Variants in ABL2 observed in about 807,000 individuals in gnomAD.
ABL2 encodes the protein ABL proto-oncogene 2, non-receptor tyrosine kinase.
A neutral mutation model predicts 107.7 loss-of-function variants in ABL2; 49 were observed. The ratio of observed to expected loss-of-function variants is 0.45; its 90% CI spans 0.36 to 0.58. ABL2 has a LOEUF of 0.58. ABL2 is among the 20% of genes least tolerant of loss of function. The probability of loss-of-function intolerance (pLI) is 0.00; values close to 1 mark genes in which losing one functional copy is unlikely to be tolerated. For missense variants in ABL2, 1,245 were observed against 1,457.0 expected, an observed-to-expected ratio of 0.85 and a Z score of 2.37; for synonymous variants, 549 against 548.6, an observed-to-expected ratio of 1.00 and a Z score of -0.01.
At chr1:179,209,300 C>A (rs1662144978) in intron 1 of ABL2, among the ~76,000 whole-genome samples, 1 of 152,126 alleles carries the variant, frequency 6.6e-6, no homozygotes, top group African/African-American at 2.4e-5. Context: ...TTGCTAAGTT[C>A]CCCCCAGGTT....
At chr1:179,178,966 C>T (rs981805021) in intron 1 of ABL2, among the ~76,000 whole-genome samples, 1 of 152,140 alleles carries the variant, frequency 6.6e-6, no homozygotes, top group African/African-American at 2.4e-5. Flanking sequence ...TTAATACCCA[C>T]TGACCAAGTC....
rs1663431430 is a variant in ABL2, at chr1:179,229,471, T to C, written c.-74A>G. 5.8e-6 allele frequency: 8 copies of C among 1,389,580 alleles called. No homozygotes were observed. The highest frequency in any genetic ancestry group is 7.5e-6 in the Non-Finnish European group (8 of 1,073,584). The allele number at this position is 1,389,580 out of a possible 1,614,324, so 86.1% of individuals were successfully genotyped here. A position where few individuals can be genotyped will look rare whatever the true frequency, so the allele number is the denominator to read the frequency against. ...CTCCTCGGCTCCGGCCTCGGGCTCC[T>C]GGCGCTGCTCCGGTCTCTCCCTCCC... On this transcript the variant is annotated 5_prime_UTR_variant, in exon 1 of 12. Coordinates refer to ENST00000502732, the MANE Select transcript of ABL2 (RefSeq NM_007314.4).
At chr1:179,119,761 T>C (rs559273652) in intron 6 of ABL2, among the ~76,000 whole-genome samples, 1 of 152,258 alleles carries the variant, frequency 6.6e-6, no homozygotes, top group South Asian at 2.1e-4. Context: ...TGCAAAAACA[T>C]TTCATGAGTT....
chr1:179,187,204 C>G (rs1330267558), intron 1 of ABL2, among the ~76,000 whole-genome samples: 1 of 152,170 alleles, frequency 6.6e-6, no homozygotes, highest in African/African-American at 2.4e-5. Flanking sequence ...TTCAGATTTC[C>G]CACATTCCAC....
rs1350852557 is a variant in ABL2 at position 179,103,365 on chromosome 1, T to C, written c.*4353A>G. On this transcript the variant is annotated 3_prime_UTR_variant, in exon 12 of 12. Coordinates refer to ENST00000502732, the MANE Select transcript of ABL2 (RefSeq NM_007314.4). ...CCACATTGAATCAACTGTCTTATCT[T>C]TTAAACAGACAATACTACAACCTTA... 3 of 204,902 alleles carry C rather than the reference T, an allele frequency of 1.5e-5. No individual in the cohort carries two copies. The highest frequency in any genetic ancestry group is 6.0e-5 in the Admixed American group (1 of 16,732). The allele number at this position is 204,902 out of a possible 1,614,324, so 12.7% of individuals were successfully genotyped here. A position where few individuals can be genotyped will look rare whatever the true frequency, so the allele number is the denominator to read the frequency against.
rs1659958398 is a variant in ABL2, at chr1:179,174,920, A to AAAAAAAAAT, written c.158-41547_158-41546insATTTTTTTT. ...CAAAAAAAAAAAAATAAAATAAAAA[A>AAAAAAAAAT]AATAATAATAATAATAATAATAATT... On this transcript the variant is annotated intron_variant, in intron 1 of 11. Coordinates refer to ENST00000502732, the MANE Select transcript of ABL2 (RefSeq NM_007314.4). Among the ~76,000 whole-genome samples, 14 of 122,884 alleles carry AAAAAAAAAT rather than the reference A, an allele frequency of 1.1e-4. 1 individual carries two copies. The highest frequency in any genetic ancestry group is 2.5e-4 in the South Asian group (1 of 3,978). 80.6% of individuals were successfully genotyped at this position (122,884 alleles called of 152,430 possible).
chr1:179,197,338 C>T (rs1661375024), intron 1 of ABL2, among the ~76,000 whole-genome samples: 1 of 151,794 alleles, frequency 6.6e-6, no homozygotes, highest in South Asian at 2.1e-4. Flanking sequence ...TTCTCAATAG[C>T]AACAATGGCA....
chr1:179,170,735 C>T (rs1354855307), intron 1 of ABL2, among the ~76,000 whole-genome samples: 1 of 152,214 alleles, frequency 6.6e-6, no homozygotes, highest in African/African-American at 2.4e-5. Flanking sequence ...GCTGGGATTA[C>T]AGGCACCTGC....
chr1:179,207,750 C>A (rs530017393), intron 1 of ABL2, among the ~76,000 whole-genome samples: 12 of 152,210 alleles, frequency 7.9e-5, no homozygotes, highest in Non-Finnish European at 1.3e-4. Flanking sequence ...TTTTTTTATA[C>A]CTATGTCAAG....
rs369731081 is a variant in ABL2 at position 179,223,003 on chromosome 1, G to A, written c.157+6238C>T. The stretch of plus-strand genomic sequence containing the variant: ...CAGCCGCCTGTAATCCCAGCTACTC[G>A]GGAGGCTGAGGCAGGTGAATTGCTT... On this transcript the variant is annotated intron_variant, in intron 1 of 11. Coordinates refer to ENST00000502732, the MANE Select transcript of ABL2 (RefSeq NM_007314.4). Among the ~76,000 whole-genome samples the A allele has an allele frequency of 6.6e-5, 10 of 151,300 alleles. No homozygotes were observed. The East Asian group carries it at 2.0e-3, about 30-fold the overall frequency.
rs1459837769 is a variant in ABL2 at position 179,108,868 on chromosome 1, G to A, written c.2399C>T (p.Thr800Ile). The A allele has an allele frequency of 1.2e-6, 2 of 1,614,086 alleles. No individual in the cohort carries two copies. The highest frequency in any genetic ancestry group is 1.1e-5 in the South Asian group (1 of 91,086). Residue 800 changes from threonine to isoleucine, a missense_variant, in exon 12 of 12, where the codon ACC (threonine) becomes ATC (isoleucine). Thr to Ile is a moderately conservative substitution (Grantham distance 89). Around this residue, in one of 3 missense-constraint regions of ABL2, gnomAD observed 761 missense variants for 766.4 expected, o/e 0.99. Transcript: ENST00000502732. ...GLPEQDRMAM[T>I]LPRNCQRSKL... ...GGACCTCTGGCAGTTCCTGGGAAGG[G>A]TCATTGCCATCCTATCCTGCTCTGG...
chr1:179,121,532 A>C, intron 5 of ABL2, 63 bp downstream of exon 5: 26 of 1,564,112 alleles, frequency 1.7e-5, no homozygotes, highest in Non-Finnish European at 2.3e-5. Flanking sequence ...GCATGCTGAT[A>C]TTTCCAAGTG....
In ABL2 at chr1:179,109,061, C is replaced by T. The variant is rs753057496; in HGVS notation, c.2206G>A (p.Gly736Arg). 1 of 1,605,412 alleles carries T rather than the reference C, an allele frequency of 6.2e-7. No homozygotes were observed. Among genetic ancestry groups the T allele is most frequent in the Non-Finnish European group, 8.5e-7 (1 of 1,176,714 alleles). The part of the protein sequence containing the change: ...NLCNDDGGGG[G>R]GSGTAGGGWS... The stretch of plus-strand genomic sequence containing the variant: ...CCACCCCCAGCAGTGCCACTGCCCC[C>T]ACCCCCACCACCGTCGTCATTACAG... Residue 736 changes from glycine (G) to arginine (R), a missense_variant, in exon 12 of 12, where the codon GGG (glycine) becomes AGG (arginine). Gly to Arg is a moderately radical substitution (Grantham distance 125). Coordinates refer to ENST00000502732, the MANE Select transcript of ABL2 (RefSeq NM_007314.4).
intron 1 of ABL2, among the ~76,000 whole-genome samples, chr1:179,167,746 A>G (rs1429230519): frequency 1.3e-5 from 2 of 152,196 alleles, no homozygotes; most frequent in African/African-American, 4.8e-5. Context: ...GCTGGGCACC[A>G]AGGTGGGAAG....
intron 10 of ABL2, among the ~76,000 whole-genome samples, chr1:179,111,740 T>C (rs1654097116): frequency 6.6e-6 from 1 of 152,126 alleles, no homozygotes; most frequent in Admixed American, 6.5e-5. Flanking sequence ...TTAACTACTT[T>C]CCATGTCAAT....
intron 1 of ABL2, among the ~76,000 whole-genome samples, chr1:179,145,656 A>G (rs984732528): frequency 6.6e-6 from 1 of 152,212 alleles, no homozygotes; most frequent in East Asian, 1.9e-4. Context: ...GAGCGGGGGC[A>G]TTCTGAGTAG....
intron 1 of ABL2, among the ~76,000 whole-genome samples, chr1:179,203,840 A>G (rs1468441945): frequency 6.6e-6 from 1 of 152,144 alleles, no homozygotes; most frequent in Non-Finnish European, 1.5e-5. Flanking sequence ...CTTGAGCTAA[A>G]CTGCCTGGCT....
At chr1:179,163,473 G>A (rs79072167) in intron 1 of ABL2, among the ~76,000 whole-genome samples, 1 of 152,082 alleles carries the variant, frequency 6.6e-6, no homozygotes, top group Non-Finnish European at 1.5e-5. Context: ...TGGGCCAGGC[G>A]CAGTGGCTAA....
intron 1 of ABL2, chr1:179,201,591 T>G (rs1661669868): frequency 2.5e-6 from 1 of 397,112 alleles, no homozygotes; most frequent in South Asian, 2.4e-5. Flanking sequence ...GGAACAGGGC[T>G]GGTTATTTCC....
Sources: allele counts gnomAD v4.1 joint callset (sites outside exome capture counted in the v4.1 genomes callset), GRCh38; gene constraint gnomAD v4.1.1; regional missense constraint gnomAD v4.1.1; transcripts MANE v1.5; gene names NCBI Gene and HGNC (gene_info 2026-07-23, HGNC 2026-07-21).